The following ZNF875 variants were observed in gnomAD, a reference collection of about 807,000 sequenced individuals.
ZNF875 encodes HKR1, GLI-Kruppel zinc finger family member.
ZNF875 carries 14 observed loss-of-function variants against 11.2 expected under a neutral mutation model. The observed-to-expected ratio is 1.26, with a 90% CI of 0.83 to 1.96. The LOEUF is 1.96. ZNF875 is among the 30% of genes most tolerant of loss of function. The pLI, the probability that ZNF875 is intolerant of heterozygous loss-of-function variation, is 0.00. For synonymous variants in ZNF875, 301 were observed against 281.1 expected (o/e 1.07, Z -0.71); for missense variants, 752 against 760.4 (o/e 0.99, Z 0.13).
chr19:37,322,004 CGTAT>C (rs1568561229), intron 1 of ZNF875, among the ~76,000 whole-genome samples: 2 of 152,160 alleles, frequency 1.3e-5, no homozygotes, highest in African/African-American at 4.8e-5. Context: ...AAGACTCTCC[CGTAT>C]GTTAGAACGG....
At chr19:37,359,128 G>A (rs761605520) in intron 4 of ZNF875, among the ~76,000 whole-genome samples, 2 of 150,898 alleles carry the variant, frequency 1.3e-5, no homozygotes, top group Non-Finnish European at 3.0e-5. Context: ...TCAAACTTCC[G>A]ACCTCAGGTG....
chr19:37,325,231 G>A (rs1015443133), intron 4 of ZNF875, among the ~76,000 whole-genome samples: 8 of 152,104 alleles, frequency 5.3e-5, no homozygotes, highest in Non-Finnish European at 1.0e-4. Context: ...ATGGGGGCCC[G>A]TCCACACCCG....
chr19:37,324,283 C>G (rs1568564006), intron 4 of ZNF875: 1 of 152,194 alleles, frequency 6.6e-6, no homozygotes, highest in Non-Finnish European at 1.5e-5. Context: ...CTTTAAACCA[C>G]TCACCTGTGT....
upstream of ZNF875, among the ~76,000 whole-genome samples, chr19:37,330,035 A>C (rs1181834685): frequency 2.0e-5 from 3 of 152,058 alleles, no homozygotes; most frequent in African/African-American, 7.2e-5. Context: ...GTGTTTATTG[A>C]CTTACCATTA....
At chr19:37,360,969 A>G (rs1262147322) in intron 4 of ZNF875, among the ~76,000 whole-genome samples, 4 of 151,946 alleles carry the variant, frequency 2.6e-5, no homozygotes, top group African/African-American at 9.6e-5. Context: ...TGACCTAAGT[A>G]CAATTATGAC....
chr19:37,362,381 C>G lies in ZNF875; in HGVS notation c.529C>G (p.Leu177Val), dbSNP rs752192955. Reference sequence around the variant, plus strand: ...AAGCAAAAATGGCACTTCAAAGGCACTTTCCAGCCCACCTGAAGAACAACA... The same window carrying G: ...AAGCAAAAATGGCACTTCAAAGGCAGTTTCCAGCCCACCTGAAGAACAACA... ...RVSKNGTSKA[L>V]SSPPEEQQPA... Residue 177 changes from leucine (L) to valine (V), a missense_variant, in exon 5 of 5, where the codon CTT becomes GTT. Physicochemically the swap from Leu to Val is conservative, Grantham distance 32 (BLOSUM62 1). Transcript: ENST00000392153. 2 of 1,614,112 alleles carry G rather than the reference C, an allele frequency of 1.2e-6. No individual in the cohort carries two copies. The highest frequency in any genetic ancestry group is 2.2e-5 in the South Asian group (2 of 91,084).
chr19:37,338,174 G>T (rs1218196380), intron 2 of ZNF875, among the ~76,000 whole-genome samples: 1 of 152,200 alleles, frequency 6.6e-6, no homozygotes, highest in Non-Finnish European at 1.5e-5. Context: ...CCAGGCTGCA[G>T]TGCAGTGGCA....
upstream of ZNF875, among the ~76,000 whole-genome samples, chr19:37,329,997 T>C (rs2033130882): frequency 2.0e-5 from 3 of 152,166 alleles, no homozygotes; most frequent in Admixed American, 2.0e-4. Context: ...CCCATTTTCC[T>C]TCTCTGCCTC....
chr19:37,329,410 G>C (rs1413519609), intron 4 of ZNF875, among the ~76,000 whole-genome samples: 2 of 152,136 alleles, frequency 1.3e-5, no homozygotes, highest in African/African-American at 4.8e-5. Context: ...TGCTGTGTGC[G>C]TGTTCTGAAG....
chr19:37,335,207 A>T lies in ZNF875; in HGVS notation c.-18A>T. On this transcript the variant is annotated 5_prime_UTR_variant, in exon 2 of 5. Coordinates refer to ENST00000392153, the MANE Select transcript of ZNF875 (RefSeq NM_001353803.2). Reference sequence around the variant, plus strand: ...GACTTTGCCCTTCTCCAGGAAGAGCACTCAGGAGACCAGGAAAATGGCCAC... The same window carrying T: ...GACTTTGCCCTTCTCCAGGAAGAGCTCTCAGGAGACCAGGAAAATGGCCAC... The T allele has an allele frequency of 1.4e-6, 1 of 702,494 alleles. No homozygotes were observed. Among genetic ancestry groups the T allele is most frequent in the Non-Finnish European group, 2.6e-6 (1 of 384,672 alleles). The allele number at this position is 702,494 out of a possible 1,614,324, so 43.5% of individuals were successfully genotyped here.
chr19:37,317,860 T>A (rs918803301), upstream of ZNF875: 2 of 152,764 alleles, frequency 1.3e-5, no homozygotes, highest in Non-Finnish European at 2.9e-5. Context: ...TTCCCATTGG[T>A]CGCCGTTTCC....
Position 37,364,099 on chromosome 19 carries a change from A to G in ZNF875, c.*324A>G, listed in dbSNP as rs1461504796. On this transcript the variant is annotated 3_prime_UTR_variant, in exon 5 of 5. Transcript: ENST00000392153. The stretch of plus-strand genomic sequence containing the variant: ...AGGGGTGGGTACCTGGTGAAACCCA[A>G]CCTTAAAGCTGAAGACAGTCCCGGC... 2 of 302,154 alleles carry G rather than the reference A, an allele frequency of 6.6e-6. No homozygotes were observed. The highest frequency in any genetic ancestry group is 4.7e-5 in the Admixed American group (1 of 21,414). The allele number at this position is 302,154 out of a possible 1,614,324, so 18.7% of individuals were successfully genotyped here. A position where few individuals can be genotyped will look rare whatever the true frequency, so the allele number is the denominator to read the frequency against.
chr19:37,358,907 A>T (rs750637070), intron 4 of ZNF875, among the ~76,000 whole-genome samples: 58 of 145,062 alleles, frequency 4.0e-4, no homozygotes, highest in South Asian at 1.3e-3. Flanking sequence ...ATATATATAT[A>T]TTTTTTTTTT....
chr19:37,361,302 G>A (rs1015632531), intron 4 of ZNF875, among the ~76,000 whole-genome samples: 2 of 151,914 alleles, frequency 1.3e-5, no homozygotes, highest in Non-Finnish European at 2.9e-5. Context: ...GTGGAGACAG[G>A]GTTTCGCCAT....
upstream of ZNF875, among the ~76,000 whole-genome samples, chr19:37,333,760 G>A (rs1349495744): frequency 1.3e-5 from 2 of 152,080 alleles, no homozygotes; most frequent in Non-Finnish European, 2.9e-5. Context: ...GCTGGGGACT[G>A]TGGATACAGA....
intron 2 of ZNF875, among the ~76,000 whole-genome samples, chr19:37,340,940 G>A (rs930952359): frequency 3.3e-5 from 5 of 152,136 alleles, no homozygotes; most frequent in Admixed American, 6.5e-5. Flanking sequence ...GAGCCACCGC[G>A]TCTGGCCTTG....
At chr19:37,358,366 A>G (rs1003364275) in intron 4 of ZNF875, among the ~76,000 whole-genome samples, 1 of 150,614 alleles carries the variant, frequency 6.6e-6, no homozygotes, top group Non-Finnish European at 1.5e-5. Flanking sequence ...CAATCTCCTG[A>G]CCTCGTGATC....
In ZNF875 at chr19:37,362,562, A is replaced by C. The variant is rs745719513; in HGVS notation, c.710A>C (p.Lys237Thr). The C allele has an allele frequency of 2.5e-6, 4 of 1,614,100 alleles. No individual in the cohort carries two copies. Among genetic ancestry groups the C allele is most frequent in the Non-Finnish European group, 3.4e-6 (4 of 1,180,050 alleles). Residue 237 changes from lysine to threonine, a missense_variant, in exon 5 of 5, where the codon AAG becomes ACG. Transcript: ENST00000392153. ...KYEEFGPGFI[K>T]ESNLLSLQKT... Reference sequence around the variant, plus strand: ...GAAGAGTTTGGGCCAGGCTTTATCAAGGAGTCAAACCTCCTTAGCCTCCAG... The same window carrying C: ...GAAGAGTTTGGGCCAGGCTTTATCACGGAGTCAAACCTCCTTAGCCTCCAG...
intron 2 of ZNF875, among the ~76,000 whole-genome samples, chr19:37,340,358 A>G (rs377695808): frequency 1.3e-5 from 2 of 152,270 alleles, no homozygotes; most frequent in South Asian, 4.1e-4. Flanking sequence ...AGACCTGCCA[A>G]CTTAGGTCTC....
Sources: allele counts gnomAD v4.1 joint callset (sites outside exome capture counted in the v4.1 genomes callset), GRCh38; gene constraint gnomAD v4.1.1; transcripts MANE v1.5; gene names NCBI Gene and HGNC (gene_info 2026-07-23, HGNC 2026-07-21).